TSPAN9: variants seen among roughly 807,000 people sequenced by gnomAD.
TSPAN9 encodes tetraspanin 9.
In TSPAN9, 16 loss-of-function variants were observed where a neutral mutation model predicts 31.0. The ratio of observed to expected loss-of-function variants is 0.52; its 90% CI spans 0.35 to 0.78. The LOEUF (loss-of-function observed/expected upper bound fraction) is 0.78, where lower values mean the gene tolerates loss of function less well. Among genes scored for constraint, TSPAN9 ranks in the 30% least tolerant of loss-of-function variants. The probability of loss-of-function intolerance (pLI) is 0.01; values close to 1 mark genes in which losing one functional copy is unlikely to be tolerated. For missense variants in TSPAN9, 272 were observed against 312.5 expected (o/e 0.87, Z 0.98); for synonymous variants, 145 against 121.6 (o/e 1.19, Z -1.27).
Position 3,284,032 on chromosome 12 carries a change from G to A in TSPAN9, c.*916G>A, listed in dbSNP as rs1274365175. The A allele has an allele frequency of 6.6e-6, 1 of 152,534 alleles. No homozygotes were observed. The highest frequency in any genetic ancestry group is 1.5e-5 in the Non-Finnish European group (1 of 68,142). 9.4% of individuals were successfully genotyped at this position (152,534 alleles called of 1,614,324 possible). ...TGCCAGGGCAGGGGGGCCCCACGGT[G>A]CTGTGGCAGAGCTAGAGGGGTCCTT... On this transcript the variant is annotated 3_prime_UTR_variant, in exon 9 of 9. Transcript: ENST00000011898.
chr12:3,126,180 T>C (rs2098327290), intron 2 of TSPAN9, among the ~76,000 whole-genome samples: 1 of 152,164 alleles, frequency 6.6e-6, no homozygotes, highest in Non-Finnish European at 1.5e-5. Flanking sequence ...GTTGTGAGGG[T>C]TAAGGGAGAG....
At chr12:3,122,917 G>A (rs2098325792) in intron 2 of TSPAN9, among the ~76,000 whole-genome samples, 1 of 152,202 alleles carries the variant, frequency 6.6e-6, no homozygotes, top group African/African-American at 2.4e-5. Flanking sequence ...GAGAGCTTGC[G>A]TTTTGCCCCA....
chr12:3,077,824 A>T (rs1202843803), intron 1 of TSPAN9, among the ~76,000 whole-genome samples: 1 of 151,686 alleles, frequency 6.6e-6, no homozygotes, highest in African/African-American at 2.4e-5. Flanking sequence ...CCATACAAGG[A>T]CCCCAGAGAG....
chr12:3,101,653 C>G (rs931931766), intron 2 of TSPAN9, among the ~76,000 whole-genome samples: 1 of 152,170 alleles, frequency 6.6e-6, no homozygotes, highest in African/African-American at 2.4e-5. Flanking sequence ...TGCTACCACC[C>G]CTGGGCGGTG....
chr12:3,156,727 C>T (rs4766051), intron 2 of TSPAN9, among the ~76,000 whole-genome samples: 112,053 of 151,998 alleles, frequency 0.74, 41,689 homozygotes, highest in East Asian at 0.92. Context: ...AGGCTGGTCA[C>T]GAGCTGCTGA....
At position 3,170,591 on chromosome 12, in the gene TSPAN9, T is replaced by TG. The variant is rs1052473448; in HGVS notation, c.-17-30579dup. Among the ~76,000 whole-genome samples the TG allele has an allele frequency of 2.0e-5, 3 of 146,510 alleles. No individual in the cohort carries two copies. Among genetic ancestry groups the TG allele is most frequent in the East Asian group, 2.1e-4 (1 of 4,668 alleles). On this transcript the variant is annotated intron_variant, in intron 2 of 8. Transcript: ENST00000011898. This position sits in a 1 kb window ranked among gnomAD's most constrained non-coding sequence, Gnocchi z 4.4. ...AAGAGATCACTGAGTCAGTTCTGTG[T>TG]GGGGGGGTCGTGATGGGGGAGCAGA...
intron 2 of TSPAN9, among the ~76,000 whole-genome samples, chr12:3,176,874 T>C (rs1339530513): frequency 6.6e-6 from 1 of 152,158 alleles, no homozygotes; most frequent in South Asian, 2.1e-4. Context: ...TCCATGAAAA[T>C]TGGGGCCACT....
intron 2 of TSPAN9, among the ~76,000 whole-genome samples, chr12:3,114,087 C>G (rs2098320774): frequency 6.6e-6 from 1 of 152,250 alleles, no homozygotes; most frequent in South Asian, 2.1e-4. Context: ...ACATCTAGCT[C>G]TGTGATCAGC....
In TSPAN9 at chr12:3,247,303, C is replaced by A. The variant is rs1433138228; in HGVS notation, c.64-31118C>A. 7.6e-4 allele frequency among the ~76,000 whole-genome samples: 17 copies of A among 22,422 alleles called. 1 individual carries two copies. Among genetic ancestry groups the A allele is most frequent in the African/African-American group, 2.3e-3 (16 of 6,972 alleles). 14.7% of individuals were successfully genotyped at this position (22,422 alleles called of 152,430 possible). A position where few individuals can be genotyped will look rare whatever the true frequency, so the allele number is the denominator to read the frequency against. On this transcript the variant is annotated intron_variant, in intron 3 of 8. Transcript: ENST00000011898. ...GCTGATGAGCATTACTGGCCAGCCC[C>A]CCCCCCCCCGCCACCCGCGTCCCCA...
intron 2 of TSPAN9, among the ~76,000 whole-genome samples, chr12:3,161,600 G>A (rs1785522358): frequency 6.6e-6 from 1 of 152,158 alleles, no homozygotes; most frequent in South Asian, 2.1e-4. Flanking sequence ...AGTGCTCTTG[G>A]AAAATGCCCT....
chr12:3,201,069 G>A (rs1222223527), intron 2 of TSPAN9, 108 bp from the exon 3 acceptor site: 3 of 1,073,228 alleles, frequency 2.8e-6, no homozygotes, highest in African/African-American at 3.2e-5. Flanking sequence ...GCGGGCTCCC[G>A]GGGCCAGAGC....
chr12:3,183,170 A>G lies in TSPAN9; in HGVS notation c.-17-18007A>G, dbSNP rs117476391. 7.3e-4 allele frequency among the ~76,000 whole-genome samples: 111 copies of G among 152,304 alleles called. 3 individuals carry two copies. In the East Asian group the frequency reaches 0.018, roughly 25 times the overall value. On this transcript the variant is annotated intron_variant, in intron 2 of 8. Coordinates refer to ENST00000011898, the MANE Select transcript of TSPAN9 (RefSeq NM_006675.5). ...GGGGGCCCCAGGGTGCCATAAAGAA[A>G]GGCCACTCTGGAGTGATTTCATGCT... is the stretch of plus-strand genomic sequence containing the variant.
intron 3 of TSPAN9, among the ~76,000 whole-genome samples, chr12:3,262,650 G>T (rs1862471878): frequency 1.3e-5 from 2 of 151,764 alleles, no homozygotes; most frequent in South Asian, 4.2e-4. Context: ...AGGAGCGGAG[G>T]GAGGGCCTGC....
At chr12:3,281,366 C>G (rs775913062) in intron 7 of TSPAN9, 37 bp downstream of exon 7, 1 of 1,528,174 alleles carries the variant, frequency 6.5e-7, no homozygotes, top group Non-Finnish European at 8.8e-7. Context: ...TCCAAGAGCC[C>G]GTGTGTGGAT....
intron 2 of TSPAN9, among the ~76,000 whole-genome samples, chr12:3,178,067 G>A (rs2098356805): frequency 1.3e-5 from 2 of 152,174 alleles, no homozygotes; most frequent in Non-Finnish European, 2.9e-5. Context: ...TTTTCCTGTG[G>A]TGGTATTGAT....
intron 2 of TSPAN9, among the ~76,000 whole-genome samples, chr12:3,181,677 C>T (rs142019140): frequency 1.0e-3 from 152 of 152,260 alleles, no homozygotes; most frequent in African/African-American, 3.4e-3. Context: ...TTAAGTGACA[C>T]GCCCAAAGTC....
At chr12:3,178,725 G>A (rs946739794) in intron 2 of TSPAN9, among the ~76,000 whole-genome samples, 1 of 152,234 alleles carries the variant, frequency 6.6e-6, no homozygotes, top group Non-Finnish European at 1.5e-5. Flanking sequence ...GGGTGGTGTA[G>A]AACATTAACA....
intron 2 of TSPAN9, among the ~76,000 whole-genome samples, chr12:3,189,608 G>A (rs144521436): frequency 6.6e-6 from 1 of 152,314 alleles, no homozygotes; most frequent in East Asian, 1.9e-4. Flanking sequence ...TTTTGGGACT[G>A]TAAGAGGCTT....
At chr12:3,088,945 A>T (rs1196959428) in intron 2 of TSPAN9, among the ~76,000 whole-genome samples, 1 of 152,036 alleles carries the variant, frequency 6.6e-6, no homozygotes, top group Non-Finnish European at 1.5e-5. Flanking sequence ...GAAAAGGGAC[A>T]CTATAGGCTG....
Sources: gnomAD v4.1 joint callset for allele counts (sites outside exome capture counted in the v4.1 genomes callset) on GRCh38, gnomAD v4.1.1 for gene constraint, Gnocchi (gnomAD v3.1) non-coding constraint, MANE v1.5 for transcripts, NCBI Gene and HGNC (gene_info 2026-07-23, HGNC 2026-07-21) for gene names.